ABLIM1: variants seen among roughly 807,000 people sequenced by gnomAD.
The protein encoded by ABLIM1 is actin binding LIM protein 1.
ABLIM1 carries 40 observed loss-of-function variants against 107.0 expected under a neutral mutation model. The observed-to-expected ratio is 0.37, with a 90% CI of 0.29 to 0.49. ABLIM1 has a LOEUF of 0.49. Ranked by LOEUF, ABLIM1 falls within the 20% of genes least tolerant of loss-of-function variation. ABLIM1 has a pLI of 0.97. For synonymous variants in ABLIM1, 357 were observed against 357.3 expected, an observed-to-expected ratio of 1.00 and a Z score of 0.01; for missense variants, 857 against 1,008.5, an observed-to-expected ratio of 0.85 and a Z score of 2.04.
At chr10:114,688,050 C>T (rs1263788614), upstream of ABLIM1, among the ~76,000 whole-genome samples, 11 of 151,836 alleles carry the variant, frequency 7.2e-5, no homozygotes, top group Middle Eastern at 3.4e-3. Flanking sequence ...TGGTTTTTGC[C>T]GTTGAAAGTA....
At chr10:114,575,649 C>A (rs2072424040) in intron 2 of ABLIM1, 50 bp from the exon 3 acceptor site, 3 of 1,571,340 alleles carry the variant, frequency 1.9e-6, no homozygotes, top group Non-Finnish European at 2.6e-6. Context: ...CACTGCCGGG[C>A]AGCACTGCCT....
chr10:114,524,568 A>G (rs956902093), intron 6 of ABLIM1, among the ~76,000 whole-genome samples: 2 of 152,200 alleles, frequency 1.3e-5, no homozygotes, highest in African/African-American at 4.8e-5. Flanking sequence ...AAAAACCCAC[A>G]TTACAAACAA....
At chr10:114,501,762 CA>C (rs1255950365) in intron 6 of ABLIM1, among the ~76,000 whole-genome samples, 1 of 152,222 alleles carries the variant, frequency 6.6e-6, no homozygotes, top group South Asian at 2.1e-4. Flanking sequence ...CTCCCATACA[CA>C]CAGTCTCCCC....
intron 1 of ABLIM1, among the ~76,000 whole-genome samples, chr10:114,741,427 G>A (rs1353569027): frequency 3.3e-5 from 5 of 151,366 alleles, no homozygotes; most frequent in African/African-American, 4.9e-5. Flanking sequence ...GGGTTTCACC[G>A]TGTTAGCCAG....
At chr10:114,445,523 T>C (rs963998413) in intron 15 of ABLIM1, 120 bp from the exon 16 acceptor site, 10 of 815,020 alleles carry the variant, frequency 1.2e-5, no homozygotes, top group Admixed American at 2.0e-5. Context: ...TTTAACACTT[T>C]TAAGTAAACA....
intron 12 of ABLIM1, among the ~76,000 whole-genome samples, chr10:114,460,648 G>A (rs2063698957): frequency 6.6e-6 from 1 of 152,196 alleles, no homozygotes; most frequent in South Asian, 2.1e-4. Context: ...TGACCAAGGT[G>A]GGTGTGCCCC....
At chr10:114,634,772 C>G (rs900573858) in intron 1 of ABLIM1, among the ~76,000 whole-genome samples, 10 of 152,016 alleles carry the variant, frequency 6.6e-5, no homozygotes, top group Admixed American at 1.3e-4. Context: ...AATAGTCACA[C>G]GGCAAAAGTC....
rs578187499 is a variant in ABLIM1 at position 114,526,594 on chromosome 10, C to A, written c.894+18411G>T. 3 of 983,678 alleles carry A rather than the reference C, an allele frequency of 3.0e-6. No homozygotes were observed. The East Asian group carries it at 3.4e-4, about 112-fold the overall frequency. 60.9% of individuals were successfully genotyped at this position (983,678 alleles called of 1,614,324 possible). A position where few individuals can be genotyped will look rare whatever the true frequency, so the allele number is the denominator to read the frequency against. ...GCGGCCTCCGACCTCACGAAGGAAG[C>A]CAGAAATCTCACATCTGCCACGCAA... On this transcript the variant is annotated intron_variant, in intron 6 of 22. Coordinates refer to ENST00000533213, the MANE Select transcript of ABLIM1 (RefSeq NM_002313.7).
chr10:114,674,961 C>T (rs1246709681), intron 1 of ABLIM1, among the ~76,000 whole-genome samples: 1 of 152,108 alleles, frequency 6.6e-6, no homozygotes, highest in Non-Finnish European at 1.5e-5. Flanking sequence ...TCTCTTGGCT[C>T]TCTTGCTATA....
At chr10:114,732,180 C>CTTT (rs113276247) in intron 1 of ABLIM1, among the ~76,000 whole-genome samples, 73 of 109,856 alleles carry the variant, frequency 6.6e-4, no homozygotes, top group Non-Finnish European at 1.0e-3. Flanking sequence ...CTTTTCTTTT[C>CTTT]TTTTTTTTTT....
chr10:114,504,555 T>C (rs1336034174), intron 6 of ABLIM1, among the ~76,000 whole-genome samples: 2 of 152,010 alleles, frequency 1.3e-5, no homozygotes, highest in African/African-American at 2.4e-5. Flanking sequence ...CCTTGAAAAA[T>C]AGCAAGTCAC....
At chr10:114,563,845 CAAAA>C (rs11285267) in intron 4 of ABLIM1, among the ~76,000 whole-genome samples, 3 of 79,826 alleles carry the variant, frequency 3.8e-5, no homozygotes, top group Non-Finnish European at 2.4e-5. Flanking sequence ...GGCTCCGTCT[CAAAA>C]AAAAAAAAAA....
chr10:114,524,846 C>T (rs2064391470), intron 6 of ABLIM1, among the ~76,000 whole-genome samples: 1 of 152,206 alleles, frequency 6.6e-6, no homozygotes. Flanking sequence ...TCTGATACCC[C>T]ATTCCCAAGA....
chr10:114,737,142 G>A (rs1418652994), intron 1 of ABLIM1, among the ~76,000 whole-genome samples: 3 of 151,966 alleles, frequency 2.0e-5, no homozygotes, highest in African/African-American at 7.3e-5. Context: ...TGGCCAACAT[G>A]GGAAAACTCC....
intron 1 of ABLIM1, among the ~76,000 whole-genome samples, chr10:114,723,183 GAGAAACTGAC>G (rs1379974974): frequency 6.6e-6 from 1 of 152,188 alleles, no homozygotes; most frequent in Non-Finnish European, 1.5e-5. Flanking sequence ...TGGTGAGGGA[GAGAAACTGAC>G]AGAACCAAAG....
intron 14 of ABLIM1, among the ~76,000 whole-genome samples, chr10:114,450,437 T>A (rs1264780530): frequency 7.2e-6 from 1 of 139,188 alleles, no homozygotes; most frequent in African/African-American, 2.7e-5. Context: ...CTTTCTTTCT[T>A]TTTTTTTTTT....
At chr10:114,705,876 C>G (rs192779481) in intron 1 of ABLIM1, among the ~76,000 whole-genome samples, 6 of 152,132 alleles carry the variant, frequency 3.9e-5, no homozygotes, top group Non-Finnish European at 7.4e-5. Context: ...GACAGAGTAG[C>G]GAAGTGGGAG....
At chr10:114,665,409 A>T (rs1444082670) in intron 1 of ABLIM1, among the ~76,000 whole-genome samples, 1 of 152,236 alleles carries the variant, frequency 6.6e-6, no homozygotes. Context: ...AGGTTAGAGG[A>T]GGGCAGAAAA....
chr10:114,521,387 T>C (rs773741587), intron 6 of ABLIM1, among the ~76,000 whole-genome samples: 2 of 152,252 alleles, frequency 1.3e-5, no homozygotes, highest in Non-Finnish European at 2.9e-5. Flanking sequence ...TGAAGTATGC[T>C]TATAAAGTGC....
Sources: gnomAD v4.1 joint callset for allele counts (sites outside exome capture counted in the v4.1 genomes callset) on GRCh38, gnomAD v4.1.1 for gene constraint, MANE v1.5 for transcripts, NCBI Gene and HGNC (gene_info 2026-07-23, HGNC 2026-07-21) for gene names.